Variants in PRUNE2 observed in about 807,000 individuals in gnomAD.
The protein encoded by PRUNE2 is protein prune homolog 2.
A neutral mutation model predicts 252.0 loss-of-function variants in PRUNE2; 164 were observed. The observed-to-expected ratio is 0.65, with a 90% CI of 0.57 to 0.74. The LOEUF (loss-of-function observed/expected upper bound fraction) is 0.74, where lower values mean the gene tolerates loss of function less well. Ranked by LOEUF, PRUNE2 falls within the 30% of genes least tolerant of loss-of-function variation. The pLI is 0.00. For synonymous variants in PRUNE2, 1,292 were observed against 1,350.2 expected (o/e 0.96, Z 0.94); for missense variants, 3,495 against 3,711.0 (o/e 0.94, Z 1.51).
At chr9:76,773,623 T>C (rs2053368566) in intron 6 of PRUNE2, among the ~76,000 whole-genome samples, 2 of 152,066 alleles carry the variant, frequency 1.3e-5, no homozygotes, top group African/African-American at 4.8e-5. Flanking sequence ...TTTGTACTTT[T>C]AGTACAGGAG....
chr9:76,628,790 T>G (rs757436938), intron 16 of PRUNE2, among the ~76,000 whole-genome samples: 1 of 151,972 alleles, frequency 6.6e-6, no homozygotes, highest in African/African-American at 2.4e-5. Flanking sequence ...AAAAATAAGA[T>G]AGTGCCATTT....
chr9:76,758,484 TGTTATATC>T (rs1170468307), intron 6 of PRUNE2: 1 of 151,720 alleles, frequency 6.6e-6, no homozygotes, highest in Non-Finnish European at 1.5e-5. Flanking sequence ...GGTGTCTGGT[TGTTATATC>T]TTTAAAAAAA....
In PRUNE2 at chr9:76,897,390, C is replaced by CTATTTTTTTTTTTTTTTTTTTTTTT. The variant is rs1564527202; in HGVS notation, c.36+8537_36+8538insAAAAAAAAAAAAAAAAAAAAAAATA. ...TGGCTATGCAACCTTAGGCAAACCT[C>CTATTTTTTTTTTTTTTTTTTTTTTT]TTTTTTTTTTTTTTTTTTTTTTTTT... On this transcript the variant is annotated intron_variant, in intron 1 of 18. Transcript: ENST00000376718. Among the ~76,000 whole-genome samples the CTATTTTTTTTTTTTTTTTTTTTTTT allele has an allele frequency of 3.6e-5, 2 of 56,252 alleles. 1 individual carries two copies. The allele number at this position is 56,252 out of a possible 152,430, so 36.9% of individuals were successfully genotyped here.
chr9:76,678,779 G>A (rs994406694), intron 9 of PRUNE2, among the ~76,000 whole-genome samples: 19 of 152,362 alleles, frequency 1.2e-4, no homozygotes, highest in African/African-American at 4.3e-4. Flanking sequence ...GGTGAGCCGA[G>A]ATGGTGCCAC....
At chr9:76,877,936 G>A (rs892205354) in intron 1 of PRUNE2, among the ~76,000 whole-genome samples, 3 of 152,156 alleles carry the variant, frequency 2.0e-5, no homozygotes, top group Non-Finnish European at 2.9e-5. Flanking sequence ...GTAGAGATGC[G>A]GAATCTGGAC....
chr9:76,877,581 CCTT>C (rs1279729435), intron 1 of PRUNE2, among the ~76,000 whole-genome samples: 1 of 152,074 alleles, frequency 6.6e-6, no homozygotes, highest in Non-Finnish European at 1.5e-5. Flanking sequence ...TCTGAGGTGT[CCTT>C]CTAGGAACCC....
intron 6 of PRUNE2, among the ~76,000 whole-genome samples, chr9:76,796,381 T>C (rs2056094396): frequency 6.6e-6 from 1 of 152,124 alleles, no homozygotes; most frequent in African/African-American, 2.4e-5. Flanking sequence ...CCTGAGGCCC[T>C]CATGCCCCAG....
chr9:76,809,946 T>C (rs190578597), intron 6 of PRUNE2, among the ~76,000 whole-genome samples: 413 of 152,328 alleles, frequency 2.7e-3, no homozygotes, highest in African/African-American at 9.5e-3. Flanking sequence ...TAGACTGAGC[T>C]GGTGGTGTCA....
intron 9 of PRUNE2, among the ~76,000 whole-genome samples, chr9:76,665,720 T>C (rs1466629971): frequency 6.6e-6 from 1 of 152,062 alleles, no homozygotes; most frequent in Non-Finnish European, 1.5e-5. Flanking sequence ...TCTCACCACA[T>C]AGTGAAACTT....
chr9:76,706,511 C>T lies in PRUNE2; in HGVS notation c.5763G>A (p.Lys1921=), dbSNP rs765650450. ...GGTCTAATTTTACAAGCTGGCTGAA[C>T]TTGTCAGCATCTGGGTCTGGCTGCC... ...QPRQPDPDAD[K]FSQLVKLDQI... Residue 1921 remains lysine, a synonymous_variant, in exon 8 of 19, where the codon AAG becomes AAA. Coordinates refer to ENST00000376718, the MANE Select transcript of PRUNE2 (RefSeq NM_015225.3). 1.2e-6 allele frequency: 2 copies of T among 1,613,978 alleles called. No homozygotes were observed. The highest frequency in any genetic ancestry group is 1.7e-6 in the Non-Finnish European group (2 of 1,179,894).
chr9:76,709,169 T>C lies in PRUNE2; in HGVS notation c.3105A>G (p.Ser1035=). The part of the protein sequence containing the change: ...SGPGNLDMWA[S]PHTDNSSEIN... ...TTTCAGAACTGTTATCTGTATGAGG[T>C]GAAGCCCACATGTCTAGGTTCCCAG... The change falls in exon 8 of 19, where the codon TCA becomes TCG. Residue 1035 remains serine, a synonymous_variant. Coordinates refer to ENST00000376718, the MANE Select transcript of PRUNE2 (RefSeq NM_015225.3). 3 of 1,613,972 alleles carry C rather than the reference T, an allele frequency of 1.9e-6. No homozygotes were observed. Among genetic ancestry groups the C allele is most frequent in the East Asian group, 4.5e-5 (2 of 44,888 alleles).
At chr9:76,895,776 TTTTA>T (rs531020141) in intron 1 of PRUNE2, among the ~76,000 whole-genome samples, 5 of 152,042 alleles carry the variant, frequency 3.3e-5, no homozygotes, top group East Asian at 3.9e-4. Context: ...TCTGCCTCTA[TTTTA>T]TTTATTTATT....
At chr9:76,614,818 G>A (rs989713484) in intron 18 of PRUNE2, among the ~76,000 whole-genome samples, 4 of 152,224 alleles carry the variant, frequency 2.6e-5, no homozygotes, top group Non-Finnish European at 4.4e-5. Context: ...CTACAAAATC[G>A]TTTCTGGAAG....
Position 76,624,445 on chromosome 9 carries a change from G to T in PRUNE2, c.9188+7C>A. The T allele has an allele frequency of 1.4e-6, 2 of 1,418,664 alleles. No homozygotes were observed. Among genetic ancestry groups the T allele is most frequent in the East Asian group, 2.6e-5 (1 of 37,822 alleles). The allele number at this position is 1,418,664 out of a possible 1,614,324, so 87.9% of individuals were successfully genotyped here. ...ATGCCAGCCGCTAAACGAAAACCAAGTCTTACTTAGCTGCCTCTGATGCTT... is the reference window on the plus strand; with the variant it reads ...ATGCCAGCCGCTAAACGAAAACCAATTCTTACTTAGCTGCCTCTGATGCTT... On this transcript the variant is annotated splice_region_variant and intron_variant, in intron 17 of 18. Coordinates refer to ENST00000376718, the MANE Select transcript of PRUNE2 (RefSeq NM_015225.3).
intron 9 of PRUNE2, among the ~76,000 whole-genome samples, chr9:76,693,687 C>A (rs1351983100): frequency 1.3e-5 from 2 of 152,018 alleles, no homozygotes; most frequent in African/African-American, 2.4e-5. Flanking sequence ...CGTGATCCAC[C>A]CGCCTTGGCC....
At chr9:76,798,808 G>A (rs749795675) in intron 6 of PRUNE2, among the ~76,000 whole-genome samples, 28 of 152,068 alleles carry the variant, frequency 1.8e-4, no homozygotes, top group Non-Finnish European at 2.8e-4. Context: ...TATACTAAAC[G>A]GTGTGAGTTG....
In PRUNE2 at chr9:76,703,437, G is replaced by C. The variant is rs759578369; in HGVS notation, c.8176C>G (p.Leu2726Val). 5.0e-5 allele frequency: 81 copies of C among 1,613,650 alleles called. No individual in the cohort carries two copies. In the African/African-American group the frequency reaches 8.1e-4, roughly 16 times the overall value. Residue 2726 changes from leucine (L) to valine (V), a missense_variant, in exon 9 of 19, where the codon CTT becomes GTT. Coordinates refer to ENST00000376718, the MANE Select transcript of PRUNE2 (RefSeq NM_015225.3). Reference sequence around the variant, plus strand: ...TTTTTCTGAACAGGCTGTGGTGAAAGCATTTCCCATTCATTGTCATGGGTG... The same window carrying C: ...TTTTTCTGAACAGGCTGTGGTGAAACCATTTCCCATTCATTGTCATGGGTG... ...AVTHDNEWEMLSPQPVQKNMI... is the reference protein window; with the variant it reads ...AVTHDNEWEMVSPQPVQKNMI...
intron 6 of PRUNE2, among the ~76,000 whole-genome samples, chr9:76,770,889 A>G (rs2053023193): frequency 6.6e-6 from 1 of 152,170 alleles, no homozygotes; most frequent in African/African-American, 2.4e-5. Context: ...GCGAAAGTAA[A>G]TTTGTGAAGG....
intron 9 of PRUNE2, among the ~76,000 whole-genome samples, chr9:76,664,982 G>A (rs537180242): frequency 5.9e-5 from 9 of 151,782 alleles, no homozygotes; most frequent in African/African-American, 1.9e-4. Flanking sequence ...ATAAATTTAT[G>A]TCATCCTCTC....
Sources: allele counts gnomAD v4.1 joint callset (sites outside exome capture counted in the v4.1 genomes callset), GRCh38; gene constraint gnomAD v4.1.1; transcripts MANE v1.5; gene names NCBI Gene and HGNC (gene_info 2026-07-23, HGNC 2026-07-21).